The following TMEM131 variants were observed in gnomAD, a reference collection of about 807,000 sequenced individuals.
TMEM131 encodes 2610524E03Rik.
A neutral mutation model predicts 211.6 loss-of-function variants in TMEM131; 66 were observed. The ratio of observed to expected loss-of-function variants is 0.31; its 90% confidence interval spans 0.26 to 0.38. The LOEUF is 0.38. Ranked by LOEUF, TMEM131 falls within the 10% of genes least tolerant of loss-of-function variation. TMEM131 has a pLI of 1.00. For synonymous variants in TMEM131, 844 were observed against 841.3 expected, an observed-to-expected ratio of 1.00 and a Z score of -0.06; for missense variants, 2,036 against 2,299.3, an observed-to-expected ratio of 0.89 and a Z score of 2.34.
chr2:97,825,516 G>C (rs959846948), intron 11 of TMEM131, among the ~76,000 whole-genome samples: 2 of 152,118 alleles, frequency 1.3e-5, no homozygotes, highest in Non-Finnish European at 2.9e-5. Flanking sequence ...AAGATGGCCA[G>C]ACCACTCTAT....
chr2:97,960,181 G>C (rs1678756719), intron 1 of TMEM131, among the ~76,000 whole-genome samples: 1 of 152,108 alleles, frequency 6.6e-6, no homozygotes, highest in Admixed American at 6.5e-5. Flanking sequence ...TTTTGAGATA[G>C]TACACATATA....
chr2:97,986,763 G>C (rs931874378), intron 1 of TMEM131, among the ~76,000 whole-genome samples: 1 of 152,174 alleles, frequency 6.6e-6, no homozygotes, highest in Non-Finnish European at 1.5e-5. Flanking sequence ...CAATACTTCA[G>C]ATGAGCCCAT....
chr2:97,825,881 G>A (rs912644872), intron 11 of TMEM131, among the ~76,000 whole-genome samples: 2 of 152,220 alleles, frequency 1.3e-5, no homozygotes, highest in African/African-American at 4.8e-5. Context: ...TACTCATGAT[G>A]TAAATGGCAT....
intron 3 of TMEM131, among the ~76,000 whole-genome samples, chr2:97,892,666 T>C (rs1388246547): frequency 6.6e-6 from 1 of 152,190 alleles, no homozygotes; most frequent in Non-Finnish European, 1.5e-5. Flanking sequence ...CCTGGCCTCA[T>C]TTTTTCTTTT....
chr2:97,824,488 T>C (rs1559382762), intron 11 of TMEM131, among the ~76,000 whole-genome samples: 1 of 152,228 alleles, frequency 6.6e-6, no homozygotes, highest in East Asian at 1.9e-4. Context: ...CCTCCTGAGT[T>C]GTAATTGGGA....
chr2:97,948,660 TTTA>T (rs1559468330), intron 1 of TMEM131, among the ~76,000 whole-genome samples: 2 of 151,768 alleles, frequency 1.3e-5, no homozygotes, highest in Non-Finnish European at 2.9e-5. Context: ...TTCTTTTTTT[TTTA>T]TTTATTTTTT....
At position 97,796,323 on chromosome 2, in the gene TMEM131, T is replaced by C. The variant is rs1281703692; in HGVS notation, c.3095A>G (p.Glu1032Gly). The change falls in exon 28 of 41, where the codon GAA (glutamate) becomes GGA (glycine). Residue 1032 changes from glutamate (E) to glycine (G), a missense_variant. Physicochemically the swap from Glu to Gly is moderately conservative, Grantham distance 98 (BLOSUM62 -2). This residue lies in a region of TMEM131 where 1,623 missense variants were observed against 1,805.9 expected (regional missense o/e 0.90). Coordinates refer to ENST00000186436, the MANE Select transcript of TMEM131 (RefSeq NM_015348.2). ...ENTGQLQIHI[E>G]TIEISGYSCE... is the part of the protein sequence containing the mutation. ...TGAGTATCCACTGATTTCAATGGTT[T>C]CTATGTGAATTTGAAGTTGTCCTGT... The C allele has an allele frequency of 6.4e-7, 1 of 1,555,566 alleles. No individual in the cohort carries two copies.
At chr2:97,786,997 C>T (rs1186019219) in intron 31 of TMEM131, among the ~76,000 whole-genome samples, 5 of 152,196 alleles carry the variant, frequency 3.3e-5, no homozygotes, top group Non-Finnish European at 7.3e-5. Context: ...TTCAACTTAA[C>T]ACTTAATGGT....
intron 7 of TMEM131, among the ~76,000 whole-genome samples, chr2:97,839,947 A>G (rs1683119088): frequency 6.6e-6 from 1 of 152,212 alleles, no homozygotes; most frequent in South Asian, 2.1e-4. Context: ...TGAATTGTTA[A>G]CATTTTTTTC....
rs374571471 is a variant in TMEM131 at position 97,794,062 on chromosome 2, CTCTT to C, written c.3387-513_3387-510del. Reference sequence around the variant, plus strand: ...GATAAAAGTTTGCACATCAGTTTTTCTCTTTCTTTCTTTTTTTTCCTGAGACAAA... The same window carrying C: ...GATAAAAGTTTGCACATCAGTTTTTCTCTTTCTTTTTTTTCCTGAGACAAA... On this transcript the variant is annotated intron_variant, in intron 29 of 40. Coordinates refer to ENST00000186436, the MANE Select transcript of TMEM131 (RefSeq NM_015348.2). Among the ~76,000 whole-genome samples the C allele has an allele frequency of 1.3e-4, 18 of 137,726 alleles. No homozygotes were observed. In the East Asian group the frequency reaches 1.4e-3, roughly 11 times the overall value. The allele number at this position is 137,726 out of a possible 152,430, so 90.4% of individuals were successfully genotyped here.
chr2:97,959,746 G>T (rs1039552890), intron 1 of TMEM131, among the ~76,000 whole-genome samples: 1 of 152,080 alleles, frequency 6.6e-6, no homozygotes, highest in African/African-American at 2.4e-5. Flanking sequence ...AAAAAATACA[G>T]TCGGTATTTA....
At chr2:97,923,622 TTTTTTTAAAA>T (rs1168139701) in intron 2 of TMEM131, among the ~76,000 whole-genome samples, 1 of 63,246 alleles carries the variant, frequency 1.6e-5, no homozygotes, top group African/African-American at 6.1e-5. Context: ...ACACTGTCTT[TTTTTTTAAAA>T]AAAAAAAAAA....
chr2:97,818,914 A>G (rs1178165867), intron 11 of TMEM131, among the ~76,000 whole-genome samples, 193 bp from the exon 12 acceptor site: 2 of 152,252 alleles, frequency 1.3e-5, no homozygotes, highest in Admixed American at 6.5e-5. Context: ...ATATCTTTAT[A>G]AAAGAAAATG....
chr2:97,758,270 T>G (rs1002343508), intron 40 of TMEM131, among the ~76,000 whole-genome samples: 1 of 152,252 alleles, frequency 6.6e-6, no homozygotes, highest in Non-Finnish European at 1.5e-5. Flanking sequence ...AAACCTTGCA[T>G]GTTTAGTTTC....
At chr2:97,976,457 T>C (rs1387705869) in intron 1 of TMEM131, among the ~76,000 whole-genome samples, 1 of 152,128 alleles carries the variant, frequency 6.6e-6, no homozygotes, top group Non-Finnish European at 1.5e-5. Flanking sequence ...TACTTAGAGA[T>C]AAATATGACA....
chr2:97,858,853 C>T (rs1673951180), intron 5 of TMEM131, among the ~76,000 whole-genome samples: 1 of 152,176 alleles, frequency 6.6e-6, no homozygotes, highest in Non-Finnish European at 1.5e-5. Context: ...CCCCTCAGAG[C>T]CTCTGGACAA....
intron 4 of TMEM131, among the ~76,000 whole-genome samples, chr2:97,872,420 A>G (rs2105227726): frequency 6.6e-6 from 1 of 152,202 alleles, no homozygotes; most frequent in East Asian, 1.9e-4. Flanking sequence ...AGAAGTTCCA[A>G]TCATGCAAAC....
At chr2:97,928,897 T>G (rs1677101295) in intron 1 of TMEM131, among the ~76,000 whole-genome samples, 1 of 151,760 alleles carries the variant, frequency 6.6e-6, no homozygotes, top group Non-Finnish European at 1.5e-5. Flanking sequence ...TCATGTTTAG[T>G]GAAACATATA....
chr2:97,918,512 G>A (rs567915232), intron 2 of TMEM131, among the ~76,000 whole-genome samples: 157 of 152,212 alleles, frequency 1.0e-3, no homozygotes, highest in South Asian at 2.3e-3. Flanking sequence ...CACACCATAA[G>A]TGAATGTTAA....
Sources: gnomAD v4.1 joint callset for allele counts (sites outside exome capture counted in the v4.1 genomes callset) on GRCh38, gnomAD v4.1.1 for gene constraint, gnomAD v4.1.1 regional missense constraint, MANE v1.5 for transcripts, NCBI Gene and HGNC (gene_info 2026-07-23, HGNC 2026-07-21) for gene names.